The following MYCBP2 variants were observed in gnomAD, a reference collection of about 807,000 sequenced individuals.
MYCBP2 encodes the protein MYC binding protein 2, also known as E3 ubiquitin-protein ligase MYCBP2.
Under a neutral mutation model 525.3 loss-of-function variants are expected in MYCBP2, and 120 were observed. The ratio of observed to expected loss-of-function variants is 0.23; its 90% CI spans 0.20 to 0.27. The LOEUF is 0.27. Among genes scored for constraint, MYCBP2 ranks in the 10% least tolerant of loss-of-function variants. MYCBP2 has a pLI of 1.00. For synonymous variants in MYCBP2, 1,894 were observed against 1,955.8 expected (o/e 0.97, Z 0.83); for missense variants, 4,149 against 5,657.1 (o/e 0.73, Z 8.55).
intron 48 of MYCBP2, among the ~76,000 whole-genome samples, chr13:77,145,851 CAAACAAACAAA>C (rs2055440181): frequency 1.3e-5 from 2 of 151,704 alleles, no homozygotes; most frequent in East Asian, 3.9e-4. Flanking sequence ...TTTTAAATAG[CAAACAAACAAA>C]AAACAAACTA....
intron 37 of MYCBP2, among the ~76,000 whole-genome samples, chr13:77,171,863 G>A (rs577729906): frequency 3.0e-4 from 45 of 152,206 alleles, no homozygotes; most frequent in African/African-American, 6.0e-4. Context: ...TCAGTTCTCC[G>A]AGGAACTCAT....
chr13:77,187,140 A>G (rs1351160228), intron 30 of MYCBP2, among the ~76,000 whole-genome samples: 3 of 152,212 alleles, frequency 2.0e-5, no homozygotes, highest in South Asian at 2.1e-4. Context: ...AAATGACTGA[A>G]TAAGTTTTGT....
At position 77,068,865 on chromosome 13, in the gene MYCBP2, T is replaced by C. The variant is rs1459114785; in HGVS notation, c.11905-34A>G. ...AGTTAACACAGAACATGTAAAAATA[T>C]AGGGTTAGTTTGATTTACTACTCCT... On this transcript the variant is annotated intron_variant, in intron 69 of 82. Coordinates refer to ENST00000544440, the MANE Select transcript of MYCBP2 (RefSeq NM_015057.5). The C allele has an allele frequency of 4.4e-6, 7 of 1,598,430 alleles. No homozygotes were observed. The South Asian group carries it at 4.5e-5, about 10-fold the overall frequency.
Position 77,168,507 on chromosome 13 carries a change from G to C in MYCBP2, c.6035C>G (p.Ser2012Cys). The change falls in exon 40 of 83, where the codon TCT (serine) becomes TGT (cysteine). Residue 2012 changes from serine (S) to cysteine (C), a missense_variant. Coordinates refer to ENST00000544440, the MANE Select transcript of MYCBP2 (RefSeq NM_015057.5). ...TTGNQPEQGL[S>C]ACTTSSHYAV... ...ATAGTGACTGGAGGTTGTACAAGCA[G>C]AGAGGCCCTGTTCAGGCTGGTTTCC... is the stretch of plus-strand genomic sequence containing the variant. The C allele has an allele frequency of 6.2e-7, 1 of 1,614,118 alleles. No homozygotes were observed. The highest frequency in any genetic ancestry group is 8.5e-7 in the Non-Finnish European group (1 of 1,180,020).
At chr13:77,055,429 G>T (rs2037756960) in intron 80 of MYCBP2, 129 bp downstream of exon 80, 1 of 777,838 alleles carries the variant, frequency 1.3e-6, no homozygotes, top group Non-Finnish European at 2.0e-6. Flanking sequence ...GGGAAACATT[G>T]TACCAAGCTA....
rs141069068 is a variant in MYCBP2, at chr13:77,081,612, T to C, written c.11233A>G (p.Ile3745Val). ...CGGCTTGAAGTTTTTATGTCAACAA[T>C]GCTGGTTAAGTCCTTTAAGCACATT... The part of the protein sequence containing the change: ...IVMCLKDLTS[I>V]VDIKTSSRPA... The change falls in exon 65 of 83, where the codon ATT becomes GTT. Residue 3745 changes from isoleucine (I) to valine (V), a missense_variant. This residue lies in a region of MYCBP2 where 509 missense variants were observed against 789.4 expected (regional missense o/e 0.64). Coordinates refer to ENST00000544440, the MANE Select transcript of MYCBP2 (RefSeq NM_015057.5). This position sits in a 1 kb window ranked among gnomAD's most constrained non-coding sequence, Gnocchi z 4.6. The C allele has an allele frequency of 1.2e-5, 20 of 1,613,610 alleles. No individual in the cohort carries two copies. Among genetic ancestry groups the C allele is most frequent in the Non-Finnish European group, 1.4e-5 (17 of 1,179,882 alleles).
chr13:77,322,450 C>T (rs1028808754), intron 1 of MYCBP2, among the ~76,000 whole-genome samples: 12 of 152,142 alleles, frequency 7.9e-5, no homozygotes, highest in Non-Finnish European at 1.8e-4. Flanking sequence ...AAACACTGTC[C>T]CCAAAACCTT....
rs778095352 is a variant in MYCBP2, at chr13:77,098,633, G to A, written c.8521C>T (p.Arg2841Cys). The A allele has an allele frequency of 1.4e-5, 23 of 1,613,556 alleles. No homozygotes were observed. Among genetic ancestry groups the A allele is most frequent in the South Asian group, 5.5e-5 (5 of 91,064 alleles). ...TTTTTATCATGTGGTGAGGAGGAGC[G>A]TGGAGAACTAGCACCCGATGGGCTA... ...RSSPSGASSP[R>C]SSSPHDKNLP... Residue 2841 changes from arginine to cysteine, a missense_variant, in exon 56 of 83, where the codon CGC becomes TGC. Arg to Cys is a radical substitution (Grantham distance 180). This residue lies in a region of MYCBP2 where 653 missense variants were observed against 744.7 expected (regional missense o/e 0.88). Transcript: ENST00000544440.
chr13:77,238,812 T>C (rs997137409), intron 17 of MYCBP2, among the ~76,000 whole-genome samples: 4 of 152,214 alleles, frequency 2.6e-5, no homozygotes, highest in Non-Finnish European at 4.4e-5. Context: ...GGCCTGAAGC[T>C]GTCTGAGCAA....
rs1279575342 is a variant in MYCBP2, at chr13:77,213,742, A to C, written c.3058-1582T>G. Among the ~76,000 whole-genome samples, 3 of 152,220 alleles carry C rather than the reference A, an allele frequency of 2.0e-5. No individual in the cohort carries two copies. The East Asian group carries it at 5.8e-4, about 29-fold the overall frequency. On this transcript the variant is annotated intron_variant, in intron 21 of 82. Coordinates refer to ENST00000544440, the MANE Select transcript of MYCBP2 (RefSeq NM_015057.5). The stretch of plus-strand genomic sequence containing the variant: ...ACTAGGACTGCTGGGACTGGAGGAC[A>C]ATGACTGTCTGACGTCAAATCTTAT...
intron 13 of MYCBP2, among the ~76,000 whole-genome samples, chr13:77,258,747 T>C (rs1194519563): frequency 6.6e-6 from 1 of 152,212 alleles, no homozygotes; most frequent in Admixed American, 6.5e-5. Flanking sequence ...TTATTATTAT[T>C]ATTAACAGTA....
intron 68 of MYCBP2, chr13:77,075,634 C>T (rs1462177949): frequency 6.6e-6 from 1 of 152,150 alleles, no homozygotes; most frequent in African/African-American, 2.4e-5. Context: ...CATTTAATAA[C>T]TTGCTTTTAT....
At chr13:77,094,539 C>G (rs148963318) in intron 58 of MYCBP2, among the ~76,000 whole-genome samples, 28 of 152,296 alleles carry the variant, frequency 1.8e-4, no homozygotes, top group African/African-American at 6.7e-4. Context: ...CCCGACATTA[C>G]TTGGGTGAAC....
intron 51 of MYCBP2, 150 bp from the exon 52 acceptor site, chr13:77,139,486 A>G (rs2154181820): frequency 1.3e-6 from 1 of 776,788 alleles, no homozygotes. Flanking sequence ...GAGACCCTCC[A>G]GGGAAAAAAA....
At position 77,163,336 on chromosome 13, in the gene MYCBP2, T is replaced by C. The variant is rs73543874; in HGVS notation, c.6547+1118A>G. 6.4e-3 allele frequency among the ~76,000 whole-genome samples: 979 copies of C among 151,870 alleles called. 14 individuals are homozygous for C. The highest frequency in any genetic ancestry group is 0.023 in the African/African-American group (937 of 41,376). On this transcript the variant is annotated intron_variant, in intron 43 of 82. Transcript: ENST00000544440. ...GAATACAAGGTCTCATTTCCATACA[T>C]ATATACCAATATTAAGTGGGAGAAA...
At chr13:77,108,973 A>G (rs1450754532) in intron 55 of MYCBP2, among the ~76,000 whole-genome samples, 1 of 152,186 alleles carries the variant, frequency 6.6e-6, no homozygotes, top group Non-Finnish European at 1.5e-5. Context: ...GATTACAGGC[A>G]TGAGCCACTG....
At chr13:77,073,145 C>T (rs911762226) in intron 68 of MYCBP2, among the ~76,000 whole-genome samples, 6 of 151,922 alleles carry the variant, frequency 3.9e-5, no homozygotes, top group Admixed American at 3.3e-4. Context: ...ATGTAGCTAC[C>T]ATCCCCTAGT....
Position 77,070,723 on chromosome 13 carries a change from AAAAG to A in MYCBP2, c.11824-16_11824-13del. On this transcript the variant is annotated splice_polypyrimidine_tract_variant and intron_variant, in intron 68 of 82. Transcript: ENST00000544440. ...GCATCTGATGTTGCCTTTACATAGA[AAAAG>A]AAAAAAAAAAAAAAGAATGAAGTGG... is the stretch of plus-strand genomic sequence containing the variant. 1.3e-6 allele frequency: 2 copies of A among 1,552,254 alleles called. No homozygotes were observed. The highest frequency in any genetic ancestry group is 1.2e-5 in the South Asian group (1 of 82,886).
At chr13:77,227,481 TAC>T (rs71704593) in intron 18 of MYCBP2, among the ~76,000 whole-genome samples, 10,007 of 145,168 alleles carry the variant, frequency 0.069, 718 homozygotes, top group African/African-American at 0.19. Flanking sequence ...CACACACACA[TAC>T]ACACACACAC....
Sources: allele counts gnomAD v4.1 joint callset (sites outside exome capture counted in the v4.1 genomes callset), GRCh38; gene constraint gnomAD v4.1.1; regional missense constraint gnomAD v4.1.1; non-coding constraint Gnocchi (gnomAD v3.1); transcripts MANE v1.5; gene names NCBI Gene and HGNC (gene_info 2026-07-23, HGNC 2026-07-21).